MZT2A: variants seen among roughly 807,000 people sequenced by gnomAD.
MZT2A encodes mitotic spindle organizing protein 2A.
In MZT2A, 8 loss-of-function variants were observed where a neutral mutation model predicts 12.4. The observed-to-expected ratio is 0.64, with a 90% CI of 0.38 to 1.16. MZT2A has a LOEUF of 1.16. Ranked by LOEUF, MZT2A falls within the 50% of genes most tolerant of loss-of-function variation. The pLI is 0.01. For synonymous variants in MZT2A, 88 were observed against 107.5 expected, an observed-to-expected ratio of 0.82 and a Z score of 1.12; for missense variants, 181 against 223.6, an observed-to-expected ratio of 0.81 and a Z score of 1.22.
chr2:131,476,163 C>T (rs1255262588), intron 2 of MZT2A: 5 of 1,613,592 alleles, frequency 3.1e-6, no homozygotes, highest in South Asian at 1.1e-5. Flanking sequence ...CGGTTGAGGT[C>T]TGGCAGTAGC....
At chr2:131,471,809 T>G (rs1472061744) in intron 3 of MZT2A, among the ~76,000 whole-genome samples, 1 of 151,992 alleles carries the variant, frequency 6.6e-6, no homozygotes, top group Admixed American at 6.6e-5. Context: ...ATGATGACTG[T>G]GAAGTGGGTG....
rs1265659452 is a variant in MZT2A at position 131,490,754 on chromosome 2, C to T, written c.319+1122G>A. The T allele has an allele frequency of 1.0e-5, 16 of 1,541,170 alleles. No homozygotes were observed. In the Admixed American group the frequency reaches 3.2e-4, roughly 30 times the overall value. ...CAGGCAGCAAGAGAGGCGGAGGGAA[C>T]CCGGGGGGCCTGGAGAGAGAGGTGA... On this transcript the variant is annotated intron_variant, in intron 2 of 2. Coordinates refer to ENST00000309451, the MANE Select transcript of MZT2A (RefSeq NM_001085365.2).
Position 131,492,214 on chromosome 2 carries a change from C to T in MZT2A, c.163G>A (p.Val55Met), listed in dbSNP as rs770067590. 8 of 1,578,956 alleles carry T rather than the reference C, an allele frequency of 5.1e-6. No homozygotes were observed. Among genetic ancestry groups the T allele is most frequent in the Admixed American group, 3.5e-5 (2 of 56,642 alleles). ...CCCACCCGCCCCGCTCACTTGAACA[C>T]GTCGGGGTCGATACCGCCGCCCGCC... The part of the protein sequence containing the change: ...QAAGGGIDPD[V>M]FKILVDLLKL... Residue 55 changes from valine to methionine, a missense_variant, in exon 1 of 3, where the codon GTG becomes ATG. Physicochemically the swap from Val to Met is conservative, Grantham distance 21 (BLOSUM62 1). Around this residue, in one of 3 missense-constraint regions of MZT2A, gnomAD observed 106 missense variants for 127.2 expected, o/e 0.83. Coordinates refer to ENST00000309451, the MANE Select transcript of MZT2A (RefSeq NM_001085365.2).
Position 131,476,173 on chromosome 2 carries a change from C to T in MZT2A, c.279-3991G>A, listed in dbSNP as rs780027105. ...GCAGCCGGTTGAGGTCTGGCAGTAG[C>T]GTTGGGCTGAAGCAGCGGAGTTCGC... On this transcript the variant is annotated intron_variant and NMD_transcript_variant, in intron 2 of 4. Transcript: ENST00000427024. The T allele has an allele frequency of 6.8e-6, 11 of 1,613,722 alleles. No homozygotes were observed. The East Asian group carries it at 1.1e-4, about 16-fold the overall frequency.
downstream of MZT2A, among the ~76,000 whole-genome samples, chr2:131,481,954 CGA>C: frequency 6.6e-6 from 1 of 152,338 alleles, no homozygotes; most frequent in East Asian, 1.9e-4. Flanking sequence ...ATGTTATGCC[CGA>C]GTTCTGAAAC....
At position 131,478,261 on chromosome 2, in the gene MZT2A, G is replaced by A; in HGVS notation, c.279-6079C>T. 3.1e-6 allele frequency: 5 copies of A among 1,614,052 alleles called. No homozygotes were observed. ...CTTGAACATGGAATTCAGCCCGATG[G>A]CCAAATGCCAAGTGATAAAACCATT... On this transcript the variant is annotated intron_variant and NMD_transcript_variant, in intron 2 of 4. Transcript: ENST00000427024.
chr2:131,473,672 G>T (rs796299902), intron 2 of MZT2A, among the ~76,000 whole-genome samples: 91 of 131,690 alleles, frequency 6.9e-4, no homozygotes, highest in African/African-American at 1.7e-3. Context: ...GGCTGAGGCT[G>T]GGGGATCACT....
upstream of MZT2A, chr2:131,492,965 C>T: frequency 6.6e-7 from 1 of 1,525,578 alleles, no homozygotes; most frequent in Non-Finnish European, 8.8e-7. Context: ...GGCCGGCCGG[C>T]CGGCCTTCTT....
At chr2:131,480,879 G>A, downstream of MZT2A, 1 of 1,295,182 alleles carries the variant, frequency 7.7e-7, no homozygotes, top group Non-Finnish European at 1.1e-6. Flanking sequence ...ATAAATTAGT[G>A]AACCAGAGTT....
chr2:131,483,951 G>A, downstream of MZT2A: 1 of 1,443,592 alleles, frequency 6.9e-7, no homozygotes, highest in South Asian at 1.6e-5. Context: ...AAAAACAGTA[G>A]AGAGCATCTG....
chr2:131,491,588 G>A, intron 2 of MZT2A: 1 of 550,568 alleles, frequency 1.8e-6, no homozygotes, highest in South Asian at 2.3e-5. Flanking sequence ...CGACTTTGTA[G>A]GATGAAGGCC....
downstream of MZT2A, among the ~76,000 whole-genome samples, chr2:131,483,633 C>T (rs781615786): frequency 1.7e-4 from 26 of 152,076 alleles, no homozygotes; most frequent in East Asian, 1.2e-3. Context: ...GAGAATGGCG[C>T]GAACCCAGGA....
At chr2:131,485,061 G>A (rs1042187584) in intron 2 of MZT2A, among the ~76,000 whole-genome samples, 4 of 152,276 alleles carry the variant, frequency 2.6e-5, no homozygotes, top group East Asian at 3.9e-4. Flanking sequence ...AGGTACAAAC[G>A]TGCCCGGGTA....
chr2:131,493,161 G>A (rs1679420436), upstream of MZT2A: 9 of 1,434,360 alleles, frequency 6.3e-6, no homozygotes, highest in Non-Finnish European at 6.4e-6. Context: ...CGGGACGCGC[G>A]CGTGAGACGG....
intron 2 of MZT2A, chr2:131,490,810 C>G: frequency 6.5e-7 from 1 of 1,549,934 alleles, no homozygotes. Flanking sequence ...GGAGCATAAC[C>G]AGAGAGGCCG....
intron 2 of MZT2A, among the ~76,000 whole-genome samples, chr2:131,472,628 T>A (rs1678484586): frequency 6.6e-6 from 1 of 152,216 alleles, no homozygotes. Context: ...TTTTCTGTGT[T>A]TAGATACATA....
rs201758214 is a variant in MZT2A at position 131,492,273 on chromosome 2, G to A, written c.104C>T (p.Thr35Ile). 7.0e-6 allele frequency: 11 copies of A among 1,577,702 alleles called. No individual in the cohort carries two copies. The highest frequency in any genetic ancestry group is 9.4e-6 in the Non-Finnish European group (11 of 1,169,718). Residue 35 changes from threonine (T) to isoleucine (I), a missense_variant, in exon 1 of 3, where the codon ACC becomes ATC. Coordinates refer to ENST00000309451, the MANE Select transcript of MZT2A (RefSeq NM_001085365.2). ...CAGCTCGTACAGCTCCATCTCCTCG[G>A]TGCTCAGCACCTTCTTGCGCCGCAG... Reference protein sequence around the residue: ...LALRRKKVLSTEEMELYELAQ... With the variant: ...LALRRKKVLSIEEMELYELAQ...
intron 2 of MZT2A, among the ~76,000 whole-genome samples, chr2:131,474,853 C>T (rs1177477275): frequency 2.0e-5 from 3 of 151,956 alleles, no homozygotes; most frequent in Non-Finnish European, 4.4e-5. Context: ...TGGTAAACAA[C>T]TTAGGAACTG....
intron 2 of MZT2A, chr2:131,491,474 C>A: frequency 2.9e-6 from 1 of 341,306 alleles, no homozygotes; most frequent in South Asian, 3.3e-5. Context: ...ACCCTGTCAC[C>A]CAGACTGGTC....
Sources: allele counts gnomAD v4.1 joint callset (sites outside exome capture counted in the v4.1 genomes callset), GRCh38; gene constraint gnomAD v4.1.1; regional missense constraint gnomAD v4.1.1; transcripts MANE v1.5; gene names NCBI Gene and HGNC (gene_info 2026-07-23, HGNC 2026-07-21).